TMEM198: variants seen among roughly 807,000 people sequenced by gnomAD.
TMEM198 encodes the protein transmembrane protein 198.
In TMEM198, 21 loss-of-function variants were observed where a neutral mutation model predicts 31.5. That is an observed-to-expected ratio of 0.67 (90% CI 0.47 to 0.96). The LOEUF (loss-of-function observed/expected upper bound fraction) is 0.96, where lower values mean the gene tolerates loss of function less well. Ranked by LOEUF, TMEM198 falls within the 40% of genes least tolerant of loss-of-function variation. The pLI, the probability that TMEM198 is intolerant of heterozygous loss-of-function variation, is 0.00. For missense variants in TMEM198, 447 were observed against 499.4 expected (o/e 0.89, Z 1.00); for synonymous variants, 211 against 223.3 (o/e 0.95, Z 0.49).
rs139328802 is a variant in TMEM198, at chr2:219,549,212, G to T, written c.803G>T (p.Arg268Leu). ...ATGCGGATTCGGCAGCAGGAAGATCGCAAGGAGAAAAGGCGGAAAAAGAGA... is the reference window on the plus strand; with the variant it reads ...ATGCGGATTCGGCAGCAGGAAGATCTCAAGGAGAAAAGGCGGAAAAAGAGA... ...QLMRIRQQED[R>L]KEKRRKKRPP... Residue 268 changes from arginine to leucine, a missense_variant, in exon 4 of 5, where the codon CGC (arginine) becomes CTC (leucine). Coordinates refer to ENST00000373883, the MANE Select transcript of TMEM198 (RefSeq NM_001005209.3). The T allele has an allele frequency of 6.2e-7, 1 of 1,614,002 alleles. No individual in the cohort carries two copies. The highest frequency in any genetic ancestry group is 8.5e-7 in the Non-Finnish European group (1 of 1,180,026).
chr2:219,546,584 C>G (rs950982924), intron 2 of TMEM198, among the ~76,000 whole-genome samples: 6 of 152,114 alleles, frequency 3.9e-5, no homozygotes, highest in Non-Finnish European at 8.8e-5. Flanking sequence ...TCTTGGAAAT[C>G]GTTTTATACT....
At chr2:219,548,352 C>G (rs947125131) in intron 3 of TMEM198, among the ~76,000 whole-genome samples, 3 of 152,226 alleles carry the variant, frequency 2.0e-5, no homozygotes, top group African/African-American at 7.2e-5. Context: ...GGATTCAAGG[C>G]AGGCAGGAGA....
rs756204037 is a variant in TMEM198, at chr2:219,549,742, G to T, written c.971G>T (p.Arg324Leu). ...SPSYIQSFRD[R>L]QTGSSLSSFM... ...AGCTATATCCAGAGCTTCCGAGACC[G>T]GCAGACCGGGAGCTCCCTGAGCTCC... The change falls in exon 5 of 5, where the codon CGG (arginine) becomes CTG (leucine). Residue 324 changes from arginine to leucine, a missense_variant. Arg to Leu is a moderately radical substitution (Grantham distance 102). Transcript: ENST00000373883. The T allele has an allele frequency of 6.2e-7, 1 of 1,613,678 alleles. No homozygotes were observed. The highest frequency in any genetic ancestry group is 8.5e-7 in the Non-Finnish European group (1 of 1,179,940).
At chr2:219,546,778 C>CTTTTTT (rs397987890) in intron 2 of TMEM198, among the ~76,000 whole-genome samples, 4 of 127,282 alleles carry the variant, frequency 3.1e-5, no homozygotes, top group African/African-American at 6.1e-5. Flanking sequence ...TCTCAAGTTT[C>CTTTTTT]TTTTTTTTTT....
Position 219,544,810 on chromosome 2 carries a change from A to G in TMEM198, c.83A>G (p.Gln28Arg), listed in dbSNP as rs771597161. 4.9e-5 allele frequency: 79 copies of G among 1,614,128 alleles called. No individual in the cohort carries two copies. Among genetic ancestry groups the G allele is most frequent in the Non-Finnish European group, 6.4e-5 (76 of 1,180,050 alleles). Residue 28 changes from glutamine (Q) to arginine (R), a missense_variant, in exon 2 of 5, where the codon CAG becomes CGG. By Grantham distance (43) the Gln-to-Arg change is conservative. Coordinates refer to ENST00000373883, the MANE Select transcript of TMEM198 (RefSeq NM_001005209.3). ...DDAFWGAPCE[Q>R]PLERRYQALP... ...GCCTTCTGGGGTGCACCTTGTGAAC[A>G]GCCCCTGGAGCGCAGGTACCAGGCA...
At chr2:219,548,680 A>G (rs1409419037) in intron 3 of TMEM198, among the ~76,000 whole-genome samples, 1 of 152,186 alleles carries the variant, frequency 6.6e-6, no homozygotes, top group African/African-American at 2.4e-5. Context: ...TCTGGGTCAT[A>G]AGAAGCACTC....
rs778908149 is a variant in TMEM198 at position 219,547,913 on chromosome 2, G to A, written c.574G>A (p.Ala192Thr). 1.1e-5 allele frequency: 17 copies of A among 1,595,978 alleles called. No individual in the cohort carries two copies. In the Admixed American group the frequency reaches 1.3e-4, roughly 13 times the overall value. ...ALIATAADYF[A>T]ELLLLGRYVV... is the part of the protein sequence containing the mutation. The stretch of plus-strand genomic sequence containing the variant: ...GATCGCCACTGCCGCTGACTACTTC[G>A]CCGAGCTGCTACTGCTGGGGCGCTA... Residue 192 changes from alanine to threonine, a missense_variant, in exon 3 of 5, where the codon GCC (alanine) becomes ACC (threonine). Ala to Thr is a moderately conservative substitution (Grantham distance 58). Transcript: ENST00000373883.
Position 219,547,755 on chromosome 2 carries a change from C to T in TMEM198, c.416C>T (p.Pro139Leu), listed in dbSNP as rs1277545023. ...GCTGCTGCCCTGCTGGGCTCCGCAC[C>T]CTACTACCAGCCAGGCTCCGTGTGG... ...LAAAALLGSA[P>L]YYQPGSVWGP... is the part of the protein sequence containing the mutation. The change falls in exon 3 of 5, where the codon CCC becomes CTC. Residue 139 changes from proline to leucine, a missense_variant. By Grantham distance (98) the Pro-to-Leu change is moderately conservative (BLOSUM62 -3). Coordinates refer to ENST00000373883, the MANE Select transcript of TMEM198 (RefSeq NM_001005209.3). The T allele has an allele frequency of 3.1e-6, 5 of 1,594,718 alleles. No individual in the cohort carries two copies. Among genetic ancestry groups the T allele is most frequent in the Non-Finnish European group, 3.4e-6 (4 of 1,177,018 alleles).
chr2:219,547,930 G>A lies in TMEM198; in HGVS notation c.591G>A (p.Leu197=), dbSNP rs549176218. ...AADYFAELLL[L]GRYVVERLRA... ...ACTACTTCGCCGAGCTGCTACTGCT[G>A]GGGCGCTACGTGGTGGAGCGACTCC... The change falls in exon 3 of 5, where the codon CTG becomes CTA. Residue 197 remains leucine (L), a synonymous_variant. Coordinates refer to ENST00000373883, the MANE Select transcript of TMEM198 (RefSeq NM_001005209.3). 3 of 1,595,416 alleles carry A rather than the reference G, an allele frequency of 1.9e-6. No individual in the cohort carries two copies. The African/African-American group carries it at 4.0e-5, about 21-fold the overall frequency.
Position 219,550,528 on chromosome 2 carries a change from G to C in TMEM198, c.*674G>C, listed in dbSNP as rs1173804138. The C allele has an allele frequency of 2.4e-6, 1 of 422,922 alleles. No individual in the cohort carries two copies. Among genetic ancestry groups the C allele is most frequent in the African/African-American group, 2.0e-5 (1 of 50,104 alleles). The allele number at this position is 422,922 out of a possible 1,614,324, so 26.2% of individuals were successfully genotyped here. A position where few individuals can be genotyped will look rare whatever the true frequency, so the allele number is the denominator to read the frequency against. On this transcript the variant is annotated 3_prime_UTR_variant, in exon 5 of 5. Transcript: ENST00000373883. ...GCCAACCTAGACACCTCATGCTTCT[G>C]TCTCCCCCACCCCACTCTGTTTTAC...
At position 219,547,767 on chromosome 2, in the gene TMEM198, C is replaced by T; in HGVS notation, c.428C>T (p.Pro143Leu). ...ALLGSAPYYQ[P>L]GSVWGPLGLL... ...CTGGGCTCCGCACCCTACTACCAGC[C>T]AGGCTCCGTGTGGGGTCCACTGGGG... Residue 143 changes from proline to leucine, a missense_variant, in exon 3 of 5, where the codon CCA becomes CTA. Physicochemically the swap from Pro to Leu is moderately conservative, Grantham distance 98. Coordinates refer to ENST00000373883, the MANE Select transcript of TMEM198 (RefSeq NM_001005209.3). 1.9e-6 allele frequency: 3 copies of T among 1,594,480 alleles called. No individual in the cohort carries two copies. The highest frequency in any genetic ancestry group is 2.5e-6 in the Non-Finnish European group (3 of 1,176,852).
Position 219,544,222 on chromosome 2 carries a change from CCGA to C in TMEM198, c.-193_-191del, listed in dbSNP as rs1489974783. ...GACGTGGAGCGGCGCCGCCACCGCG[CCGA>C]CACCATTCTCTCCGGCCCAGCAGCC... On this transcript the variant is annotated 5_prime_UTR_variant, in exon 1 of 5. Coordinates refer to ENST00000373883, the MANE Select transcript of TMEM198 (RefSeq NM_001005209.3). 2.2e-6 allele frequency: 1 copy of C among 464,652 alleles called. No homozygotes were observed. The highest frequency in any genetic ancestry group is 7.0e-5 in the East Asian group (1 of 14,374). The allele number at this position is 464,652 out of a possible 1,614,324, so 28.8% of individuals were successfully genotyped here.
rs1340078327 is a variant in TMEM198, at chr2:219,549,708, C to G, written c.946-9C>G. On this transcript the variant is annotated splice_polypyrimidine_tract_variant and intron_variant, in intron 4 of 4. Coordinates refer to ENST00000373883, the MANE Select transcript of TMEM198 (RefSeq NM_001005209.3). ...GGTGGGACTCACACCTATGTTTGCT[C>G]CCCCACAGAGCTATATCCAGAGCTT... The G allele has an allele frequency of 6.2e-7, 1 of 1,613,028 alleles. No individual in the cohort carries two copies. Among genetic ancestry groups the G allele is most frequent in the South Asian group, 1.1e-5 (1 of 91,032 alleles).
rs764888043 is a variant in TMEM198 at position 219,549,843 on chromosome 2, G to A, written c.1072G>A (p.Val358Met). The A allele has an allele frequency of 1.9e-6, 3 of 1,614,086 alleles. No individual in the cohort carries two copies. The highest frequency in any genetic ancestry group is 2.2e-5 in the East Asian group (1 of 44,878). Residue 358 changes from valine (V) to methionine (M), a missense_variant, in exon 5 of 5, where the codon GTG becomes ATG. Coordinates refer to ENST00000373883, the MANE Select transcript of TMEM198 (RefSeq NM_001005209.3). ...TCTGACAGCCTGCTCAGGCCCCCCA[G>A]TGCGGGTATAGCCATATCTGTCTGT... ...GPLTACSGPP[V>M]RV
Position 219,544,271 on chromosome 2 carries a change from T to C in TMEM198, c.-146T>C, listed in dbSNP as rs777762440. 1 of 469,312 alleles carries C rather than the reference T, an allele frequency of 2.1e-6. No individual in the cohort carries two copies. Among genetic ancestry groups the C allele is most frequent in the South Asian group, 1.5e-5 (1 of 64,592 alleles). 29.1% of individuals were successfully genotyped at this position (469,312 alleles called of 1,614,324 possible). A position where few individuals can be genotyped will look rare whatever the true frequency, so the allele number is the denominator to read the frequency against. On this transcript the variant is annotated 5_prime_UTR_variant, in exon 1 of 5. Coordinates refer to ENST00000373883, the MANE Select transcript of TMEM198 (RefSeq NM_001005209.3). ...CAGCCCCCTTCCTCGCACGACGGAC[T>C]TTCCCTGGACCCCAGTCAGTTGGAG...
upstream of TMEM198, chr2:219,544,008 G>T (rs933519726): frequency 2.8e-6 from 1 of 356,096 alleles, no homozygotes; most frequent in Non-Finnish European, 5.6e-6. Context: ...CCCCTGCCTG[G>T]ATGGTGCGCC....
chr2:219,546,086 G>T (rs770763411), intron 2 of TMEM198, among the ~76,000 whole-genome samples: 2 of 151,840 alleles, frequency 1.3e-5, no homozygotes, highest in Non-Finnish European at 2.9e-5. Flanking sequence ...ATGTCACTAC[G>T]CCCAGGCTCA....
chr2:219,549,595 G>A, intron 4 of TMEM198, 122 bp from the exon 5 acceptor site: 1 of 1,462,500 alleles, frequency 6.8e-7, no homozygotes, highest in Non-Finnish European at 9.3e-7. Flanking sequence ...GGGGTCTCAG[G>A]GCTGTGGACT....
chr2:219,545,662 A>G (rs910825392), intron 2 of TMEM198, among the ~76,000 whole-genome samples: 1 of 152,192 alleles, frequency 6.6e-6, no homozygotes, highest in African/African-American at 2.4e-5. Flanking sequence ...TTGCAGCAAG[A>G]GTTACAGAAC....
Sources: gnomAD v4.1 joint callset for allele counts (sites outside exome capture counted in the v4.1 genomes callset) on GRCh38, gnomAD v4.1.1 for gene constraint, MANE v1.5 for transcripts, NCBI Gene and HGNC (gene_info 2026-07-23, HGNC 2026-07-21) for gene names.